The following LRRC7 variants were observed in gnomAD, a reference collection of about 807,000 sequenced individuals.
The protein encoded by LRRC7 is leucine-rich repeat-containing protein 7.
A neutral mutation model predicts 175.7 loss-of-function variants in LRRC7; 23 were observed. The ratio of observed to expected loss-of-function variants is 0.13; its 90% CI spans 0.09 to 0.19. The LOEUF (loss-of-function observed/expected upper bound fraction) is 0.19, where lower values mean the gene tolerates loss of function less well. Ranked by LOEUF, LRRC7 falls within the 10% of genes least tolerant of loss-of-function variation. The pLI, the probability that LRRC7 is intolerant of heterozygous loss-of-function variation, is 1.00. For missense variants in LRRC7, 1,354 were observed against 1,904.7 expected (o/e 0.71, Z 5.38); for synonymous variants, 685 against 680.9 (o/e 1.01, Z -0.09).
chr1:69,952,865 A>G (rs1436555363), intron 8 of LRRC7, among the ~76,000 whole-genome samples: 1 of 151,862 alleles, frequency 6.6e-6, no homozygotes, highest in East Asian at 1.9e-4. Flanking sequence ...AACAACCTCC[A>G]TTAATCAGTC....
At chr1:69,977,210 C>T (rs1220213130) in intron 8 of LRRC7, among the ~76,000 whole-genome samples, 1 of 152,114 alleles carries the variant, frequency 6.6e-6, no homozygotes, top group African/African-American at 2.4e-5. Context: ...TCCTCATTAC[C>T]TCTTTCATTA....
At position 69,760,243 on chromosome 1, in the gene LRRC7, A is replaced by G. The variant is rs751685108; in HGVS notation, c.153A>G (p.Pro51=). ...GGAAAATCATCGGCCGTCTGGTGCC[A>G]TGCCGATGTTTCCGAGGTGAAGAAG... ...TKRKIIGRLV[P]CRCFRGEEEI... The change falls in exon 3 of 27, where the codon CCA becomes CCG. Residue 51 remains proline (P), a synonymous_variant. Coordinates refer to ENST00000651989, the MANE Select transcript of LRRC7 (RefSeq NM_001370785.2). 3 of 1,612,794 alleles carry G rather than the reference A, an allele frequency of 1.9e-6. No homozygotes were observed. The highest frequency in any genetic ancestry group is 1.1e-5 in the South Asian group (1 of 91,056).
chr1:70,038,031 GC>G, intron 20 of LRRC7, 81 bp from the exon 21 acceptor site: 1 of 1,481,878 alleles, frequency 6.7e-7, no homozygotes, highest in Non-Finnish European at 9.1e-7. Context: ...AAGGATGATG[GC>G]CCTCTTTGCT....
chr1:69,785,796 TATA>T (rs1320199649), intron 3 of LRRC7, among the ~76,000 whole-genome samples: 1 of 152,146 alleles, frequency 6.6e-6, no homozygotes, highest in African/African-American at 2.4e-5. Flanking sequence ...TGTAATATAA[TATA>T]ATAATAATCC....
chr1:70,058,582 A>G (rs1202490007), intron 23 of LRRC7, among the ~76,000 whole-genome samples: 1 of 152,210 alleles, frequency 6.6e-6, no homozygotes, highest in Admixed American at 6.5e-5. Flanking sequence ...ATTTGGTTTC[A>G]TGTATTAAAT....
chr1:70,089,865 A>G, intron 25 of LRRC7, 46 bp downstream of exon 25: 2 of 1,327,904 alleles, frequency 1.5e-6, no homozygotes, highest in South Asian at 1.2e-5. Flanking sequence ...GAAAAATACT[A>G]TCTCCTACAG....
At chr1:69,703,402 A>C (rs1202332091) in intron 2 of LRRC7, among the ~76,000 whole-genome samples, 1 of 151,496 alleles carries the variant, frequency 6.6e-6, no homozygotes, top group Non-Finnish European at 1.5e-5. Flanking sequence ...ATTTTAGATA[A>C]ATTTTTAGAT....
At chr1:70,115,209 G>C (rs1477514566) in intron 26 of LRRC7, among the ~76,000 whole-genome samples, 1 of 152,180 alleles carries the variant, frequency 6.6e-6, no homozygotes, top group Non-Finnish European at 1.5e-5. Flanking sequence ...AATTATCCTT[G>C]ACTACAAAGA....
rs1323258371 is a variant in LRRC7, at chr1:70,016,369, G to T, written c.1251-96G>T. ...TCAATGGAGAAGGGATTCAAGAAAAGAATGAAACCAACAAGTTAGAGTATT... is the reference window on the plus strand; with the variant it reads ...TCAATGGAGAAGGGATTCAAGAAAATAATGAAACCAACAAGTTAGAGTATT... On this transcript the variant is annotated intron_variant, in intron 13 of 26. Coordinates refer to ENST00000651989, the MANE Select transcript of LRRC7 (RefSeq NM_001370785.2). The T allele has an allele frequency of 2.1e-5, 19 of 886,842 alleles. No individual in the cohort carries two copies. In the South Asian group the frequency reaches 3.0e-4, roughly 14 times the overall value. The allele number at this position is 886,842 out of a possible 1,614,324, so 54.9% of individuals were successfully genotyped here. A position where few individuals can be genotyped will look rare whatever the true frequency, so the allele number is the denominator to read the frequency against.
rs1218139679 is a variant in LRRC7 at position 70,144,179 on chromosome 1, GA to G, written c.*22294del. ...TTGGTAAAGGTGTACAATGTGATTA[GA>G]ATGCATTTTGAAGATGCTTTCTGTA... On this transcript the variant is annotated 3_prime_UTR_variant, in exon 27 of 27. Transcript: ENST00000651989. 2 of 152,136 alleles carry G rather than the reference GA, an allele frequency of 1.3e-5. No individual in the cohort carries two copies. Among genetic ancestry groups the G allele is most frequent in the African/African-American group, 4.8e-5 (2 of 41,416 alleles). The allele number at this position is 152,136 out of a possible 1,614,324, so 9.4% of individuals were successfully genotyped here. A position where few individuals can be genotyped will look rare whatever the true frequency, so the allele number is the denominator to read the frequency against.
At chr1:69,612,894 A>G (rs1649003269) in intron 1 of LRRC7, among the ~76,000 whole-genome samples, 1 of 152,084 alleles carries the variant, frequency 6.6e-6, no homozygotes, top group African/African-American at 2.4e-5. Flanking sequence ...TCACATAGCA[A>G]ATAGTGCTAA....
intron 8 of LRRC7, among the ~76,000 whole-genome samples, chr1:69,954,872 T>G (rs1650330779): frequency 6.6e-6 from 1 of 152,066 alleles, no homozygotes; most frequent in South Asian, 2.1e-4. Context: ...TTCACTGATC[T>G]GATAAATAGT....
intron 7 of LRRC7, among the ~76,000 whole-genome samples, chr1:69,905,311 G>T (rs1452827805): frequency 6.6e-6 from 1 of 151,678 alleles, no homozygotes; most frequent in Non-Finnish European, 1.5e-5. Context: ...CAATGTGCAG[G>T]TTTGTTACAT....
In LRRC7 at chr1:69,749,340, A is replaced by T. The variant is rs78178613; in HGVS notation, c.101-10851A>T. ...TAAGTTGATGTTCTTTAGTGTTACA[A>T]TGACTGTAATAATGGTGAAGAGTAG... On this transcript the variant is annotated intron_variant, in intron 2 of 26. Transcript: ENST00000651989. 1.1e-3 allele frequency among the ~76,000 whole-genome samples: 172 copies of T among 152,238 alleles called. 3 individuals carry two copies. The East Asian group carries it at 0.028, about 25-fold the overall frequency.
intron 7 of LRRC7, among the ~76,000 whole-genome samples, chr1:69,921,691 T>C (rs762718291): frequency 2.0e-5 from 3 of 152,158 alleles, no homozygotes; most frequent in Non-Finnish European, 4.4e-5. Flanking sequence ...GGCTAACATA[T>C]CCTGTCCCCA....
chr1:69,962,944 A>G (rs897584727), intron 8 of LRRC7, among the ~76,000 whole-genome samples: 4 of 152,132 alleles, frequency 2.6e-5, no homozygotes, highest in Non-Finnish European at 5.9e-5. Context: ...TACCTGTGTA[A>G]CAATCCTGCA....
chr1:69,860,434 G>A (rs763794541), intron 7 of LRRC7, among the ~76,000 whole-genome samples: 1 of 152,070 alleles, frequency 6.6e-6, no homozygotes, highest in African/African-American at 2.4e-5. Context: ...AACCCTTAAA[G>A]GTGGATTAGG....
At chr1:69,692,166 C>T (rs967740275) in intron 2 of LRRC7, among the ~76,000 whole-genome samples, 5 of 152,272 alleles carry the variant, frequency 3.3e-5, no homozygotes, top group Non-Finnish European at 7.4e-5. Context: ...AAACTTACAG[C>T]AGTGAGGAGC....
chr1:70,116,978 T>G (rs1665904196), intron 26 of LRRC7, among the ~76,000 whole-genome samples: 1 of 152,222 alleles, frequency 6.6e-6, no homozygotes, highest in African/African-American at 2.4e-5. Context: ...ATTTGGTCAC[T>G]GCATTATTTC....
Sources: allele counts gnomAD v4.1 joint callset (sites outside exome capture counted in the v4.1 genomes callset), GRCh38; gene constraint gnomAD v4.1.1; transcripts MANE v1.5; gene names NCBI Gene and HGNC (gene_info 2026-07-23, HGNC 2026-07-21).